Variants in GRM8 observed in about 807,000 individuals in gnomAD.
The protein encoded by GRM8 is metabotropic glutamate receptor 8.
A neutral mutation model predicts 87.2 loss-of-function variants in GRM8; 47 were observed. That is an observed-to-expected ratio of 0.54 (90% CI 0.43 to 0.69). The LOEUF (loss-of-function observed/expected upper bound fraction) is 0.69. Among genes scored for constraint, GRM8 ranks in the 30% least tolerant of loss-of-function variants. The probability of loss-of-function intolerance (pLI) is 0.00; values close to 1 mark genes in which losing one functional copy is unlikely to be tolerated. For missense variants in GRM8, 1,019 were observed against 1,139.2 expected, an observed-to-expected ratio of 0.89 and a Z score of 1.52; for synonymous variants, 396 against 404.5, an observed-to-expected ratio of 0.98 and a Z score of 0.25.
chr7:126,774,385 G>C (rs1334678228), intron 6 of GRM8, among the ~76,000 whole-genome samples: 2 of 152,150 alleles, frequency 1.3e-5, no homozygotes, highest in Non-Finnish European at 2.9e-5. Context: ...TCTAAAGTTA[G>C]TGTTAACGTA....
chr7:126,959,080 T>G (rs549531042), intron 3 of GRM8, among the ~76,000 whole-genome samples: 1 of 152,306 alleles, frequency 6.6e-6, no homozygotes, highest in African/African-American at 2.4e-5. Flanking sequence ...ATGAGGCCAA[T>G]GAGCTTTAAC....
intron 6 of GRM8, among the ~76,000 whole-genome samples, chr7:126,801,351 CATGT>C (rs1822659150): frequency 6.6e-6 from 1 of 152,044 alleles, no homozygotes; most frequent in Non-Finnish European, 1.5e-5. Context: ...CAATAATGAA[CATGT>C]ATATAATGGA....
chr7:127,191,981 A>C (rs1795052658), intron 2 of GRM8, among the ~76,000 whole-genome samples: 1 of 151,990 alleles, frequency 6.6e-6, no homozygotes, highest in Admixed American at 6.6e-5. Context: ...ATTTATTACA[A>C]CTCTTGGTTT....
intron 2 of GRM8, among the ~76,000 whole-genome samples, chr7:127,119,964 G>A (rs1826934531): frequency 6.6e-6 from 1 of 152,178 alleles, no homozygotes; most frequent in African/African-American, 2.4e-5. Flanking sequence ...TCTCCAGTGA[G>A]TTCCAGACCC....
rs538852324 is a variant in GRM8 at position 126,950,610 on chromosome 7, G to A, written c.728-45927C>T. On this transcript the variant is annotated intron_variant, in intron 3 of 10. Coordinates refer to ENST00000339582, the MANE Select transcript of GRM8 (RefSeq NM_000845.3). ...AAACTTCAGCTTAGAGTAAAAATTA[G>A]TACATTTAAGAGCAATTGGAAACAC... is the stretch of plus-strand genomic sequence containing the variant. 7.2e-5 allele frequency among the ~76,000 whole-genome samples: 11 copies of A among 152,104 alleles called. No individual in the cohort carries two copies. The East Asian group carries it at 2.1e-3, about 29-fold the overall frequency.
Position 126,685,766 on chromosome 7 carries a change from G to A in GRM8, c.1358-76268C>T, listed in dbSNP as rs942118873. Among the ~76,000 whole-genome samples, 2 of 152,184 alleles carry A rather than the reference G, an allele frequency of 1.3e-5. No homozygotes were observed. Among genetic ancestry groups the A allele is most frequent in the Admixed American group, 6.5e-5 (1 of 15,298 alleles). On this transcript the variant is annotated intron_variant, in intron 7 of 10. Transcript: ENST00000339582. The surrounding 1 kb of genome is among the most constrained non-coding windows in gnomAD (Gnocchi z 4.2). ...CCTGCAGGCGCCCCTTGGCATGAAC[G>A]GTCTGGGTGCGATGAATGGTGACAG...
chr7:126,644,486 G>A (rs1021761047), intron 7 of GRM8, among the ~76,000 whole-genome samples: 3 of 152,180 alleles, frequency 2.0e-5, no homozygotes, highest in Non-Finnish European at 4.4e-5. Context: ...TGCTGCAAAA[G>A]AGGATGGTTT....
chr7:127,003,565 T>C (rs1043279411), intron 3 of GRM8, among the ~76,000 whole-genome samples: 5 of 151,734 alleles, frequency 3.3e-5, no homozygotes, highest in African/African-American at 1.2e-4. Context: ...AGAAGAGTAC[T>C]GCAACTCTCT....
intron 7 of GRM8, among the ~76,000 whole-genome samples, chr7:126,646,186 T>G (rs186431593): frequency 1.2e-4 from 18 of 151,934 alleles, no homozygotes; most frequent in African/African-American, 3.1e-4. Context: ...GCAGATTGGT[T>G]TACTTTAGGA....
intron 7 of GRM8, among the ~76,000 whole-genome samples, chr7:126,693,409 A>G: frequency 6.6e-6 from 1 of 152,230 alleles, no homozygotes; most frequent in East Asian, 1.9e-4. Flanking sequence ...GATCATTGTA[A>G]TGAATTAGCA....
At chr7:126,490,116 T>C (rs1011349039) in intron 9 of GRM8, among the ~76,000 whole-genome samples, 3 of 152,100 alleles carry the variant, frequency 2.0e-5, no homozygotes, top group African/African-American at 7.2e-5. Flanking sequence ...TAACTGCATA[T>C]GCAAATTCCC....
At chr7:126,452,020 G>A (rs181243443) in intron 9 of GRM8, among the ~76,000 whole-genome samples, 2 of 151,730 alleles carry the variant, frequency 1.3e-5, no homozygotes, top group Non-Finnish European at 2.9e-5. Context: ...TACCTGTGTT[G>A]TTCACGGCTG....
chr7:127,014,521 G>A (rs142928354), intron 3 of GRM8, among the ~76,000 whole-genome samples: 1 of 152,034 alleles, frequency 6.6e-6, no homozygotes, highest in Admixed American at 6.6e-5. Context: ...TAAACTCTCA[G>A]TGCCTCAGTT....
intron 6 of GRM8, among the ~76,000 whole-genome samples, chr7:126,807,510 T>C (rs4731330): frequency 0.37 from 56,650 of 151,958 alleles, 11,813 homozygotes; most frequent in Non-Finnish European, 0.47. Context: ...GAGATGCATT[T>C]CCCTAGTAAA....
At chr7:127,152,388 A>G (rs1440510974) in intron 2 of GRM8, among the ~76,000 whole-genome samples, 2 of 152,156 alleles carry the variant, frequency 1.3e-5, no homozygotes, top group Admixed American at 1.3e-4. Context: ...GTGGCAAGAC[A>G]GGGCAGAGAA....
chr7:126,650,287 T>C (rs900237055), intron 7 of GRM8, among the ~76,000 whole-genome samples: 1 of 152,166 alleles, frequency 6.6e-6, no homozygotes, highest in African/African-American at 2.4e-5. Flanking sequence ...CACCCTGCCT[T>C]CTCTCACCCA....
chr7:126,710,153 C>T (rs1454966401), intron 7 of GRM8, among the ~76,000 whole-genome samples: 2 of 152,144 alleles, frequency 1.3e-5, no homozygotes, highest in African/African-American at 4.8e-5. Context: ...GCTTAAAATG[C>T]TAATTATCAT....
rs375563287 is a variant in GRM8 at position 127,125,765 on chromosome 7, AACAC to A, written c.511-19057_511-19054del. Among the ~76,000 whole-genome samples, 253 of 141,176 alleles carry A rather than the reference AACAC, an allele frequency of 1.8e-3. 2 individuals carry two copies. Among genetic ancestry groups the A allele is most frequent in the Admixed American group, 8.2e-3 (117 of 14,186 alleles). The allele number at this position is 141,176 out of a possible 152,430, so 92.6% of individuals were successfully genotyped here. ...AATTTATAAGGAACTCAAACAACTA[AACAC>A]ACACACACACACACACACACACACA... On this transcript the variant is annotated intron_variant, in intron 2 of 10. Transcript: ENST00000339582.
chr7:127,082,341 T>C (rs1290445185), intron 3 of GRM8, among the ~76,000 whole-genome samples: 2 of 152,018 alleles, frequency 1.3e-5, no homozygotes, highest in Admixed American at 6.6e-5. Context: ...GATTCAGGGG[T>C]GGGCTTCCTT....
Sources: gnomAD v4.1 joint callset for allele counts (sites outside exome capture counted in the v4.1 genomes callset) on GRCh38, gnomAD v4.1.1 for gene constraint, Gnocchi (gnomAD v3.1) non-coding constraint, MANE v1.5 for transcripts, NCBI Gene and HGNC (gene_info 2026-07-23, HGNC 2026-07-21) for gene names.